MYRIP: variants seen among roughly 807,000 people sequenced by gnomAD.
The protein encoded by MYRIP is myosin VIIA and Rab interacting protein, also known as rab effector MyRIP.
Under a neutral mutation model 98.0 loss-of-function variants are expected in MYRIP, and 49 were observed. That is an observed-to-expected ratio of 0.50 (90% CI 0.40 to 0.63). The LOEUF is 0.63. Ranked by LOEUF, MYRIP falls within the 30% of genes least tolerant of loss-of-function variation. The pLI, the probability that MYRIP is intolerant of heterozygous loss-of-function variation, is 0.00. For missense variants in MYRIP, 1,004 were observed against 1,058.2 expected (o/e 0.95, Z 0.71); for synonymous variants, 404 against 409.5 (o/e 0.99, Z 0.16).
At position 40,146,637 on chromosome 3, in the gene MYRIP, C is replaced by A. The variant is rs376747419; in HGVS notation, c.333-4411C>A. ...CTCATTGCTGCTCTGGCCCTGGAGC[C>A]CCTTCAGCACCAACAGCTTTAGACT... On this transcript the variant is annotated intron_variant, in intron 3 of 16. Coordinates refer to ENST00000302541, the MANE Select transcript of MYRIP (RefSeq NM_015460.4). Among the ~76,000 whole-genome samples, 28 of 152,250 alleles carry A rather than the reference C, an allele frequency of 1.8e-4. 2 individuals are homozygous for A. The highest frequency in any genetic ancestry group is 1.4e-3 in the East Asian group (7 of 5,184).
chr3:40,188,142 T>C (rs1272887371), intron 9 of MYRIP, among the ~76,000 whole-genome samples: 2 of 152,190 alleles, frequency 1.3e-5, no homozygotes, highest in Non-Finnish European at 2.9e-5. Flanking sequence ...TGGGTTGCTG[T>C]TGAAAACATA....
At chr3:40,241,396 G>C (rs1181051630) in intron 12 of MYRIP, among the ~76,000 whole-genome samples, 2 of 152,204 alleles carry the variant, frequency 1.3e-5, no homozygotes, top group Non-Finnish European at 2.9e-5. Context: ...AACTTGTGGA[G>C]ACAACCATGG....
chr3:39,878,298 C>T (rs570800399), intron 1 of MYRIP, among the ~76,000 whole-genome samples: 16 of 152,302 alleles, frequency 1.1e-4, no homozygotes, highest in African/African-American at 2.4e-4. Flanking sequence ...TTGTGCTTCC[C>T]GAGTGAGGCA....
At chr3:40,201,426 G>GTA (rs75421091) in intron 10 of MYRIP, among the ~76,000 whole-genome samples, 1 of 151,920 alleles carries the variant, frequency 6.6e-6, no homozygotes, top group Non-Finnish European at 1.5e-5. Flanking sequence ...TTAAATCAAT[G>GTA]TAATATGAAG....
At chr3:39,927,894 T>G (rs1174055866) in intron 2 of MYRIP, among the ~76,000 whole-genome samples, 2 of 152,040 alleles carry the variant, frequency 1.3e-5, no homozygotes, top group Non-Finnish European at 2.9e-5. Flanking sequence ...CATAAATCAA[T>G]AAATGTGATT....
intron 2 of MYRIP, among the ~76,000 whole-genome samples, chr3:39,908,436 C>A (rs557318575): frequency 4.6e-5 from 7 of 152,142 alleles, no homozygotes; most frequent in South Asian, 2.1e-4. Context: ...TCCACCCCCC[C>A]CATTGCTCAG....
chr3:40,037,814 T>G (rs1166523396), intron 2 of MYRIP, among the ~76,000 whole-genome samples: 1 of 152,126 alleles, frequency 6.6e-6, no homozygotes, highest in Admixed American at 6.6e-5. Context: ...CCCCCCTTCC[T>G]GTTTTCTCTC....
intron 3 of MYRIP, among the ~76,000 whole-genome samples, chr3:40,046,952 CT>C (rs1947682054): frequency 6.6e-6 from 1 of 152,184 alleles, no homozygotes; most frequent in African/African-American, 2.4e-5. Flanking sequence ...CAGTCACAGC[CT>C]GTCAACCCCA....
chr3:39,834,328 T>A (rs73072882), intron 1 of MYRIP, among the ~76,000 whole-genome samples: 2,102 of 152,380 alleles, frequency 0.014, 17 homozygotes, highest in Non-Finnish European at 0.022. Context: ...GACTATTCTC[T>A]GACCAATCAA....
At chr3:39,936,489 G>T (rs1944657921) in intron 2 of MYRIP, among the ~76,000 whole-genome samples, 1 of 152,130 alleles carries the variant, frequency 6.6e-6, no homozygotes, top group South Asian at 2.1e-4. Flanking sequence ...GAGAGCCCCA[G>T]TATCTCCAAG....
intron 3 of MYRIP, among the ~76,000 whole-genome samples, chr3:40,101,376 T>C (rs1400889440): frequency 6.6e-6 from 1 of 152,196 alleles, no homozygotes; most frequent in African/African-American, 2.4e-5. Flanking sequence ...GTCTCAGTGT[T>C]ATAAAACTTC....
intron 2 of MYRIP, among the ~76,000 whole-genome samples, chr3:39,998,248 G>A (rs867212658): frequency 3.9e-5 from 6 of 151,916 alleles, no homozygotes; most frequent in South Asian, 4.1e-4. Flanking sequence ...CAAATTGTCC[G>A]TTTGCAGATG....
intron 3 of MYRIP, among the ~76,000 whole-genome samples, chr3:40,088,408 A>T (rs1223481734): frequency 2.0e-5 from 3 of 152,160 alleles, no homozygotes; most frequent in Non-Finnish European, 2.9e-5. Flanking sequence ...TCTCTCCATT[A>T]CTGGGAAACC....
intron 3 of MYRIP, among the ~76,000 whole-genome samples, chr3:40,143,728 T>C (rs1314991814): frequency 6.6e-6 from 1 of 152,250 alleles, no homozygotes; most frequent in African/African-American, 2.4e-5. Flanking sequence ...ATATACATTA[T>C]GGAATAATTA....
chr3:40,167,151 C>A lies in MYRIP; in HGVS notation c.649-8C>A. The stretch of plus-strand genomic sequence containing the variant: ...CCACAGCACACAGCCATTCTCTTCC[C>A]TCCTCAGGACAAGCAAAATGAGGCC... On this transcript the variant is annotated splice_polypyrimidine_tract_variant and splice_region_variant and intron_variant, in intron 6 of 16. Transcript: ENST00000302541. 6.2e-7 allele frequency: 1 copy of A among 1,614,110 alleles called. No homozygotes were observed. Among genetic ancestry groups the A allele is most frequent in the Non-Finnish European group, 8.5e-7 (1 of 1,179,956 alleles).
chr3:40,184,459 T>C (rs749889693), intron 9 of MYRIP, among the ~76,000 whole-genome samples: 3 of 152,222 alleles, frequency 2.0e-5, no homozygotes, highest in African/African-American at 7.2e-5. Flanking sequence ...GATAAGAACA[T>C]TGATGGACAG....
intron 1 of MYRIP, among the ~76,000 whole-genome samples, chr3:39,852,420 C>A (rs533565059): frequency 1.3e-5 from 2 of 152,290 alleles, no homozygotes; most frequent in South Asian, 4.2e-4. Flanking sequence ...ATTTGTGGAA[C>A]AGGTGGTGCT....
chr3:40,145,699 G>A (rs775156601), intron 3 of MYRIP, among the ~76,000 whole-genome samples: 1 of 152,178 alleles, frequency 6.6e-6, no homozygotes, highest in Non-Finnish European at 1.5e-5. Flanking sequence ...CCACAACTGT[G>A]GATATGTGAA....
intron 1 of MYRIP, among the ~76,000 whole-genome samples, chr3:39,876,536 G>A (rs1005355690): frequency 1.6e-4 from 24 of 152,040 alleles, no homozygotes; most frequent in African/African-American, 5.8e-4. Flanking sequence ...GGGCAGGCCT[G>A]GTGGTGACAA....
Sources: allele counts gnomAD v4.1 joint callset (sites outside exome capture counted in the v4.1 genomes callset), GRCh38; gene constraint gnomAD v4.1.1; transcripts MANE v1.5; gene names NCBI Gene and HGNC (gene_info 2026-07-23, HGNC 2026-07-21).